Variants in CTNNA2 observed in about 807,000 individuals in gnomAD.
The protein encoded by CTNNA2 is catenin alpha 2, also known as catenin alpha-2.
Under a neutral mutation model 101.0 loss-of-function variants are expected in CTNNA2, and 42 were observed. The ratio of observed to expected loss-of-function variants is 0.42; its 90% CI spans 0.32 to 0.54. The LOEUF is 0.54. Among genes scored for constraint, CTNNA2 ranks in the 20% least tolerant of loss-of-function variants. CTNNA2 has a pLI of 0.14. For synonymous variants in CTNNA2, 450 were observed against 456.4 expected (o/e 0.99, Z 0.18); for missense variants, 871 against 1,223.1 (o/e 0.71, Z 4.29).
chr2:79,232,397 T>C (rs1299820465), intron 2 of CTNNA2, among the ~76,000 whole-genome samples: 2 of 152,174 alleles, frequency 1.3e-5, no homozygotes, highest in Non-Finnish European at 2.9e-5. Flanking sequence ...CTTGTATTCC[T>C]GAAACAAAGC....
intron 17 of CTNNA2, among the ~76,000 whole-genome samples, chr2:80,615,716 T>C (rs973277413): frequency 6.6e-6 from 1 of 151,690 alleles, no homozygotes; most frequent in African/African-American, 2.4e-5. Flanking sequence ...CAGATTATTT[T>C]GTCAAGTGCT....
At chr2:80,594,798 C>A (rs1397347183) in intron 15 of CTNNA2, among the ~76,000 whole-genome samples, 1 of 151,518 alleles carries the variant, frequency 6.6e-6, no homozygotes, top group African/African-American at 2.4e-5. Context: ...AATCTTAGTA[C>A]CTTTGTGGAA....
chr2:80,363,832 C>T (rs150810007), intron 7 of CTNNA2, among the ~76,000 whole-genome samples: 235 of 152,186 alleles, frequency 1.5e-3, no homozygotes, highest in African/African-American at 5.4e-3. Context: ...AATAGCAAAA[C>T]GGAATTTATA....
At chr2:79,575,138 G>T (rs977257931) in intron 1 of CTNNA2, among the ~76,000 whole-genome samples, 3 of 152,088 alleles carry the variant, frequency 2.0e-5, no homozygotes, top group Admixed American at 2.0e-4. Context: ...GAATGCTGTT[G>T]GTGGGCTTCT....
intron 7 of CTNNA2, among the ~76,000 whole-genome samples, chr2:80,380,162 G>A (rs1676372240): frequency 6.6e-6 from 1 of 150,714 alleles, no homozygotes; most frequent in South Asian, 2.1e-4. Flanking sequence ...TCAGCCTCCT[G>A]AGTAGCTGGG....
intron 7 of CTNNA2, among the ~76,000 whole-genome samples, chr2:80,355,933 C>CTTTTTTTTT (rs564774712): frequency 0.017 from 2,556 of 151,672 alleles, 70 homozygotes; most frequent in African/African-American, 0.057. Context: ...TCACATTGTT[C>CTTTTTTTTT]TTTTTTTTCT....
At chr2:80,416,289 A>G (rs1321054342) in intron 8 of CTNNA2, among the ~76,000 whole-genome samples, 2 of 152,172 alleles carry the variant, frequency 1.3e-5, no homozygotes, top group Non-Finnish European at 2.9e-5. Flanking sequence ...CACAATATAT[A>G]TGTTTATAAA....
At chr2:80,554,809 T>C (rs1459748240) in intron 11 of CTNNA2, among the ~76,000 whole-genome samples, 4 of 152,168 alleles carry the variant, frequency 2.6e-5, no homozygotes, top group Admixed American at 1.3e-4. Flanking sequence ...GCACTAAACT[T>C]TTTGAACATT....
At chr2:79,355,104 C>T (rs1434177) in intron 3 of CTNNA2, among the ~76,000 whole-genome samples, 54,519 of 151,838 alleles carry the variant, frequency 0.36, 10,070 homozygotes, top group Admixed American at 0.44. Flanking sequence ...ATTTTTGTAC[C>T]AGTACCATGC....
rs115268464 is a variant in CTNNA2, at chr2:80,017,272, G to C, written c.1056+107475G>C. Among the ~76,000 whole-genome samples, 1,485 of 152,148 alleles carry C rather than the reference G, an allele frequency of 9.8e-3. 22 individuals carry two copies. The highest frequency in any genetic ancestry group is 0.034 in the African/African-American group (1,430 of 41,486). On this transcript the variant is annotated intron_variant, in intron 7 of 18. Coordinates refer to ENST00000402739, the MANE Select transcript of CTNNA2 (RefSeq NM_001282597.3). ...TAATACCTGGCACTATTAGGCACTAGTAGGTGTGCAACTAATATTAGTTGT... is the reference window on the plus strand; with the variant it reads ...TAATACCTGGCACTATTAGGCACTACTAGGTGTGCAACTAATATTAGTTGT...
chr2:79,428,874 T>C (rs1038632020), intron 4 of CTNNA2, among the ~76,000 whole-genome samples: 6 of 152,130 alleles, frequency 3.9e-5, no homozygotes, highest in African/African-American at 1.4e-4. Flanking sequence ...TGCTAGTTAT[T>C]TGAGTGTGAG....
At chr2:80,625,882 T>C (rs1291727690) in intron 18 of CTNNA2, among the ~76,000 whole-genome samples, 1 of 152,110 alleles carries the variant, frequency 6.6e-6, no homozygotes, top group Non-Finnish European at 1.5e-5. Context: ...ATTATTTTTC[T>C]AGTTAACTTA....
intron 7 of CTNNA2, among the ~76,000 whole-genome samples, chr2:79,931,274 TTATC>T (rs1687423480): frequency 6.6e-6 from 1 of 152,202 alleles, no homozygotes; most frequent in Non-Finnish European, 1.5e-5. Context: ...TTAATTATAT[TTATC>T]TATGAATATC....
At chr2:79,876,037 A>T (rs1682998078) in intron 6 of CTNNA2, among the ~76,000 whole-genome samples, 1 of 152,124 alleles carries the variant, frequency 6.6e-6, no homozygotes, top group Non-Finnish European at 1.5e-5. Context: ...GATGTGAAGG[A>T]CCTAAAAAGT....
chr2:79,314,264 T>G (rs756880061), intron 3 of CTNNA2, among the ~76,000 whole-genome samples: 2 of 152,038 alleles, frequency 1.3e-5, no homozygotes, highest in Admixed American at 6.6e-5. Flanking sequence ...GAACCAGAAA[T>G]CCCGTAGAAA....
intron 2 of CTNNA2, among the ~76,000 whole-genome samples, chr2:79,258,714 A>C (rs142995587): frequency 6.6e-6 from 1 of 152,200 alleles, no homozygotes; most frequent in East Asian, 1.9e-4. Flanking sequence ...GACTAAGCTC[A>C]ATGCTTTTGA....
Position 79,887,984 on chromosome 2 carries a change from G to C in CTNNA2, c.852+13642G>C, listed in dbSNP as rs138258968. Reference sequence around the variant, plus strand: ...TAAGAAACACTCCTGTGGGTTCTTAGATCCCTGTAAACATACTACAATTTA... The same window carrying C: ...TAAGAAACACTCCTGTGGGTTCTTACATCCCTGTAAACATACTACAATTTA... On this transcript the variant is annotated intron_variant, in intron 6 of 18. Coordinates refer to ENST00000402739, the MANE Select transcript of CTNNA2 (RefSeq NM_001282597.3). Among the ~76,000 whole-genome samples, 501 of 152,272 alleles carry C rather than the reference G, an allele frequency of 3.3e-3. 2 individuals are homozygous for C. The highest frequency in any genetic ancestry group is 0.011 in the African/African-American group (474 of 41,560).
chr2:79,439,721 A>C (rs1394078865), intron 4 of CTNNA2, among the ~76,000 whole-genome samples: 4 of 152,210 alleles, frequency 2.6e-5, no homozygotes, highest in African/African-American at 9.7e-5. Context: ...GAGTTCTTCC[A>C]GTGTGTTTCC....
chr2:80,514,116 C>T (rs1461868603), intron 9 of CTNNA2, among the ~76,000 whole-genome samples: 1 of 151,974 alleles, frequency 6.6e-6, no homozygotes, highest in Non-Finnish European at 1.5e-5. Flanking sequence ...GTTAGGTAAC[C>T]TGGTTTATTG....
Sources: allele counts gnomAD v4.1 joint callset (sites outside exome capture counted in the v4.1 genomes callset), GRCh38; gene constraint gnomAD v4.1.1; transcripts MANE v1.5; gene names NCBI Gene and HGNC (gene_info 2026-07-23, HGNC 2026-07-21).